The following GRIP1 variants were observed in gnomAD, a reference collection of about 807,000 sequenced individuals.
The protein encoded by GRIP1 is glutamate receptor-interacting protein 1.
GRIP1 carries 45 observed loss-of-function variants against 129.9 expected under a neutral mutation model. The ratio of observed to expected loss-of-function variants is 0.35; its 90% CI spans 0.27 to 0.44. The LOEUF (loss-of-function observed/expected upper bound fraction) is 0.44. Ranked by LOEUF, GRIP1 falls within the 20% of genes least tolerant of loss-of-function variation. The pLI is 1.00. For synonymous variants in GRIP1, 530 were observed against 520.8 expected (o/e 1.02, Z -0.24); for missense variants, 1,196 against 1,396.8 (o/e 0.86, Z 2.29).
chr12:66,593,646 T>G (rs551566231), intron 2 of GRIP1, among the ~76,000 whole-genome samples: 4 of 152,280 alleles, frequency 2.6e-5, no homozygotes, highest in South Asian at 4.2e-4. Context: ...TTTACACTCT[T>G]TTTCCACTGC....
At chr12:67,024,680 G>C (rs1187117284) in intron 1 of GRIP1, among the ~76,000 whole-genome samples, 1 of 152,146 alleles carries the variant, frequency 6.6e-6, no homozygotes, top group Non-Finnish European at 1.5e-5. Context: ...CATTTCACGT[G>C]TGGAATTCTA....
chr12:66,700,648 C>A (rs543877021), intron 1 of GRIP1, among the ~76,000 whole-genome samples: 2 of 152,020 alleles, frequency 1.3e-5, no homozygotes, highest in South Asian at 4.1e-4. Flanking sequence ...GTGTTTTAGA[C>A]ACACTGCTCT....
Position 66,842,125 on chromosome 12 carries a change from T to C in GRIP1, c.58+226925A>G, listed in dbSNP as rs566211076. 3.3e-5 allele frequency among the ~76,000 whole-genome samples: 5 copies of C among 152,164 alleles called. No individual in the cohort carries two copies. In the South Asian group the frequency reaches 1.0e-3, roughly 32 times the overall value. Reference sequence around the variant, plus strand: ...TCTTTTTCTAAAAACTAAAAGTATATGCCCATGATAGAAAAACATTTTAAA... The same window carrying C: ...TCTTTTTCTAAAAACTAAAAGTATACGCCCATGATAGAAAAACATTTTAAA... On this transcript the variant is annotated intron_variant, in intron 1 of 1. Coordinates refer to the GRIP1 transcript ENST00000643019.
At chr12:66,536,956 G>A (rs73321290) in intron 4 of GRIP1, among the ~76,000 whole-genome samples, 7,493 of 152,060 alleles carry the variant, frequency 0.049, 612 homozygotes, top group African/African-American at 0.17. Context: ...TAGGAGAGGT[G>A]GTGCTAGAAC....
intron 19 of GRIP1, among the ~76,000 whole-genome samples, chr12:66,382,876 A>G (rs6581678): frequency 0.49 from 75,110 of 152,016 alleles, 19,028 homozygotes; most frequent in East Asian, 0.61. Flanking sequence ...GTCTTAATGC[A>G]CTAATATGGA....
intron 1 of GRIP1, among the ~76,000 whole-genome samples, chr12:66,738,839 G>A (rs190350081): frequency 6.6e-6 from 1 of 152,230 alleles, no homozygotes; most frequent in Admixed American, 6.5e-5. Flanking sequence ...ATGACATGAA[G>A]GTGTATATCT....
At chr12:66,829,570 T>C (rs531020420) in intron 1 of GRIP1, among the ~76,000 whole-genome samples, 4 of 152,258 alleles carry the variant, frequency 2.6e-5, no homozygotes, top group African/African-American at 9.6e-5. Flanking sequence ...GAAAAGACAC[T>C]GTGTCTCTCC....
At chr12:66,873,099 T>C (rs184265794) in intron 1 of GRIP1, among the ~76,000 whole-genome samples, 1 of 152,172 alleles carries the variant, frequency 6.6e-6, no homozygotes, top group Admixed American at 6.6e-5. Flanking sequence ...TACAATATGG[T>C]GGCCTCAAGG....
intron 9 of GRIP1, among the ~76,000 whole-genome samples, chr12:66,462,324 TTTAC>T (rs1302773288): frequency 2.0e-5 from 3 of 152,210 alleles, no homozygotes; most frequent in Admixed American, 2.0e-4. Flanking sequence ...TAAAATCCAC[TTTAC>T]TTATTTATTT....
At chr12:66,596,286 T>C (rs185991349) in intron 2 of GRIP1, among the ~76,000 whole-genome samples, 1 of 152,202 alleles carries the variant, frequency 6.6e-6, no homozygotes, top group Non-Finnish European at 1.5e-5. Flanking sequence ...TAAAGACATT[T>C]AAAGATATTT....
intron 2 of GRIP1, among the ~76,000 whole-genome samples, chr12:66,585,036 T>C (rs2063564284): frequency 2.0e-5 from 3 of 152,082 alleles, no homozygotes; most frequent in Admixed American, 2.0e-4. Flanking sequence ...GCCTCTTTTG[T>C]TTTTTTATAT....
chr12:66,951,720 G>C (rs540858690), intron 1 of GRIP1, among the ~76,000 whole-genome samples: 2 of 152,324 alleles, frequency 1.3e-5, no homozygotes, highest in African/African-American at 4.8e-5. Flanking sequence ...GCTTAGCCTT[G>C]CGTATCTGGA....
upstream of GRIP1, among the ~76,000 whole-genome samples, chr12:66,807,700 G>A (rs1384063855): frequency 6.6e-6 from 1 of 151,882 alleles, no homozygotes; most frequent in African/African-American, 2.4e-5. Context: ...TCTTGCTCCT[G>A]CTCTGGTCAA....
In GRIP1 at chr12:66,539,120, CT is replaced by C; in HGVS notation, c.375del (p.Glu126LysfsTer7). The part of the protein sequence containing the change: ...DEIISLLKNV[G>X]ERVVLEVEYE... Reference sequence around the variant, plus strand: ...TACTCTACTTCAAGAACCACTCTTTCTCCCACATTCTTCAGCAAGCTGATGA... The same window carrying C: ...TACTCTACTTCAAGAACCACTCTTTCCCCACATTCTTCAGCAAGCTGATGA... On this transcript the variant is annotated frameshift_variant, in exon 4 of 25. Coordinates refer to ENST00000359742, the MANE Select transcript of GRIP1 (RefSeq NM_001366722.1). LOFTEE classifies it high-confidence loss of function. 1 of 1,614,124 alleles carries C rather than the reference CT, an allele frequency of 6.2e-7. No individual in the cohort carries two copies. The highest frequency in any genetic ancestry group is 1.1e-5 in the South Asian group (1 of 91,084).
At chr12:67,047,476 C>T (rs907775110) in intron 1 of GRIP1, among the ~76,000 whole-genome samples, 1 of 152,108 alleles carries the variant, frequency 6.6e-6, no homozygotes, top group African/African-American at 2.4e-5. Context: ...CCTTTTTATA[C>T]CCAAAATTTA....
chr12:67,042,270 C>A lies in GRIP1; in HGVS notation c.58+26780G>T, dbSNP rs553935671. On this transcript the variant is annotated intron_variant, in intron 1 of 1. Coordinates refer to the GRIP1 transcript ENST00000643019. ...ACTCAGGTTGGGGATTCTGTCATAG[C>A]AACAGAAAACAAACTAAGACAATTG... Among the ~76,000 whole-genome samples, 26 of 152,220 alleles carry A rather than the reference C, an allele frequency of 1.7e-4. 1 individual carries two copies. In the South Asian group the frequency reaches 5.2e-3, roughly 30 times the overall value.
chr12:66,465,130 G>C lies in GRIP1; in HGVS notation c.872+145C>G, dbSNP rs1006989530. 2.4e-5 allele frequency: 14 copies of C among 577,138 alleles called. No homozygotes were observed. The Admixed American group carries it at 3.2e-4, about 13-fold the overall frequency. The allele number at this position is 577,138 out of a possible 1,614,324, so 35.8% of individuals were successfully genotyped here. ...TGGCTAATTTCTTGTATTTTTAGTA[G>C]AGATGGGGTTTCACCATGTTGGCCA... On this transcript the variant is annotated intron_variant, in intron 8 of 24. Transcript: ENST00000359742.
intron 19 of GRIP1, among the ~76,000 whole-genome samples, chr12:66,390,332 A>G (rs891079975): frequency 4.6e-5 from 7 of 152,178 alleles, no homozygotes; most frequent in Non-Finnish European, 1.0e-4. Context: ...AGAGTGTTCT[A>G]TATATATAAA....
chr12:66,521,081 A>C (rs1489605154), intron 5 of GRIP1, among the ~76,000 whole-genome samples: 1 of 152,202 alleles, frequency 6.6e-6, no homozygotes, highest in African/African-American at 2.4e-5. Context: ...GAAAAATGTA[A>C]TAACTACAAG....
Sources: gnomAD v4.1 joint callset for allele counts (sites outside exome capture counted in the v4.1 genomes callset) on GRCh38, gnomAD v4.1.1 for gene constraint, MANE v1.5 for transcripts, NCBI Gene and HGNC (gene_info 2026-07-23, HGNC 2026-07-21) for gene names.